OVCH1: variants seen among roughly 807,000 people sequenced by gnomAD.
OVCH1 encodes the protein ovochymase 1.
In OVCH1, 139 loss-of-function variants were observed where a neutral mutation model predicts 138.4. The observed-to-expected ratio is 1.00, with a 90% CI of 0.87 to 1.16. The LOEUF is 1.16. Among genes scored for constraint, OVCH1 ranks in the 50% most tolerant of loss-of-function variants. The probability of loss-of-function intolerance (pLI) is 0.00; values close to 1 mark genes in which losing one functional copy is unlikely to be tolerated. For missense variants in OVCH1, 1,367 were observed against 1,357.9 expected (o/e 1.01, Z -0.11); for synonymous variants, 453 against 467.8 (o/e 0.97, Z 0.41).
chr12:29,424,229 G>A (rs1941146896), downstream of OVCH1, among the ~76,000 whole-genome samples: 2 of 152,254 alleles, frequency 1.3e-5, no homozygotes, highest in South Asian at 4.1e-4. Flanking sequence ...GGTTTGGCTA[G>A]TATCTGCAGC....
At chr12:29,485,977 T>TA (rs377034404) in intron 8 of OVCH1, among the ~76,000 whole-genome samples, 1 of 75,844 alleles carries the variant, frequency 1.3e-5, no homozygotes, top group African/African-American at 7.6e-5. Context: ...ATAAAATAAA[T>TA]AAATAAATAA....
chr12:29,424,890 AT>A (rs1941157941), downstream of OVCH1, among the ~76,000 whole-genome samples: 1 of 152,216 alleles, frequency 6.6e-6, no homozygotes, highest in Non-Finnish European at 1.5e-5. Context: ...CCTCAGCAAA[AT>A]TTTTACAGCA....
chr12:29,443,568 A>T, intron 24 of OVCH1, 68 bp from the exon 25 acceptor site: 1 of 1,412,184 alleles, frequency 7.1e-7, no homozygotes, highest in Non-Finnish European at 9.5e-7. Context: ...TATTTTGCTC[A>T]GAAATTAATG....
chr12:29,463,019 A>G (rs1942191204), intron 18 of OVCH1, among the ~76,000 whole-genome samples: 1 of 152,188 alleles, frequency 6.6e-6, no homozygotes, highest in African/African-American at 2.4e-5. Flanking sequence ...GTAGTCATGG[A>G]ATTGGTAAAA....
the OVCH1 span, among the ~76,000 whole-genome samples, chr12:29,404,051 A>G: frequency 6.6e-6 from 1 of 152,246 alleles, no homozygotes; most frequent in South Asian, 2.1e-4. Context: ...CTGCAATGAT[A>G]ATGATGGGCG....
chr12:29,465,417 G>T (rs1942281469), intron 16 of OVCH1, among the ~76,000 whole-genome samples, 198 bp from the exon 17 acceptor site: 1 of 152,174 alleles, frequency 6.6e-6, no homozygotes, highest in African/African-American at 2.4e-5. Context: ...AATCATGGCT[G>T]AAGGCAAAGG....
At chr12:29,454,519 TA>T (rs1262396239) in intron 21 of OVCH1, among the ~76,000 whole-genome samples, 11 of 152,174 alleles carry the variant, frequency 7.2e-5, no homozygotes, top group African/African-American at 2.7e-4. Context: ...CCAGGGTCTT[TA>T]CCTAGGCAAG....
At chr12:29,445,316 C>A in exon 23 of OVCH1, 1 of 1,612,062 alleles carries the variant, frequency 6.2e-7, no homozygotes, top group Non-Finnish European at 8.5e-7. Flanking sequence ...ACCAAATGCA[C>A]CTCGTACAAG....
chr12:29,435,870 CCTT>C (rs555975225), intron 26 of OVCH1, among the ~76,000 whole-genome samples: 28 of 152,192 alleles, frequency 1.8e-4, no homozygotes, highest in African/African-American at 6.5e-4. Flanking sequence ...TATTTTTCCT[CCTT>C]CTTTTCCCTA....
intron 8 of OVCH1, among the ~76,000 whole-genome samples, chr12:29,485,755 G>A (rs1028976113): frequency 1.1e-4 from 17 of 151,602 alleles, no homozygotes; most frequent in African/African-American, 3.9e-4. Context: ...CAGCCTGGGG[G>A]ACACAGCATG....
intron 16 of OVCH1, among the ~76,000 whole-genome samples, chr12:29,466,645 A>G (rs1038193685): frequency 2.0e-5 from 3 of 152,160 alleles, no homozygotes; most frequent in Non-Finnish European, 2.9e-5. Context: ...CTAGTAATGC[A>G]GTATTTTGTT....
At chr12:29,477,143 A>G (rs578008024) in exon 12 of OVCH1, 2 of 1,613,124 alleles carry the variant, frequency 1.2e-6, no homozygotes, top group Non-Finnish European at 1.7e-6. Context: ...AACCAATGAC[A>G]CCTTGTGTTA....
At chr12:29,411,155 G>A (rs55816862), downstream of OVCH1, among the ~76,000 whole-genome samples, 1,070 of 65,898 alleles carry the variant, frequency 0.016, 26 homozygotes, top group Middle Eastern at 0.033. Flanking sequence ...TTTCAGCTCC[G>A]TCAGCTCCTT....
chr12:29,487,541 AG>A (rs2136074917), intron 7 of OVCH1, 151 bp downstream of exon 7: 1 of 671,698 alleles, frequency 1.5e-6, no homozygotes, highest in East Asian at 3.0e-5. Flanking sequence ...TTCTGTACTC[AG>A]GGTTTCAGAG....
downstream of OVCH1, among the ~76,000 whole-genome samples, chr12:29,427,044 A>C (rs945830982): frequency 2.0e-5 from 3 of 152,174 alleles, no homozygotes; most frequent in Non-Finnish European, 4.4e-5. Flanking sequence ...CCCTGTCAAA[A>C]CTTATGATGA....
At chr12:29,446,362 CCT>C (rs1486860938) in intron 22 of OVCH1, among the ~76,000 whole-genome samples, 1 of 151,906 alleles carries the variant, frequency 6.6e-6, no homozygotes, top group Non-Finnish European at 1.5e-5. Flanking sequence ...TGAAGAATGA[CCT>C]AATATTTATT....
downstream of OVCH1, among the ~76,000 whole-genome samples, chr12:29,424,436 T>C (rs1941149877): frequency 6.6e-6 from 1 of 152,062 alleles, no homozygotes; most frequent in Non-Finnish European, 1.5e-5. Flanking sequence ...GGCCAGTTCA[T>C]GGCCAGATTT....
At chr12:29,404,870 A>G in the OVCH1 span, among the ~76,000 whole-genome samples, 1 of 151,738 alleles carries the variant, frequency 6.6e-6, no homozygotes, top group South Asian at 2.1e-4. Flanking sequence ...AAAATGCAAA[A>G]AATTAGCTGG....
Position 29,489,472 on chromosome 12 carries a change from AC to A in OVCH1, c.702+147del, listed in dbSNP as rs1943214247. On this transcript the variant is annotated intron_variant, in intron 6 of 27. Transcript: ENST00000318184. ...AATTCTTTCTGCTCAGGTCAAGTAC[AC>A]TTTTTCAGTAGAAATCAGAGGAAAA... is the stretch of plus-strand genomic sequence containing the variant. 5.4e-6 allele frequency: 5 copies of A among 932,496 alleles called. No homozygotes were observed. In the Admixed American group the frequency reaches 1.3e-4, roughly 24 times the overall value. The allele number at this position is 932,496 out of a possible 1,614,324, so 57.8% of individuals were successfully genotyped here. A position where few individuals can be genotyped will look rare whatever the true frequency, so the allele number is the denominator to read the frequency against.
Sources: gnomAD v4.1 joint callset for allele counts (sites outside exome capture counted in the v4.1 genomes callset) on GRCh38, gnomAD v4.1.1 for gene constraint, MANE v1.5 for transcripts, NCBI Gene and HGNC (gene_info 2026-07-23, HGNC 2026-07-21) for gene names.